ADAMTSL3: variants seen among roughly 807,000 people sequenced by gnomAD.
ADAMTSL3 encodes the protein ADAMTS like 3.
In ADAMTSL3, 128 loss-of-function variants were observed where a neutral mutation model predicts 201.7. The ratio of observed to expected loss-of-function variants is 0.63; its 90% CI spans 0.55 to 0.73. The LOEUF (loss-of-function observed/expected upper bound fraction) is 0.73. Ranked by LOEUF, ADAMTSL3 falls within the 30% of genes least tolerant of loss-of-function variation. The pLI, the probability that ADAMTSL3 is intolerant of heterozygous loss-of-function variation, is 0.00. For missense variants in ADAMTSL3, 1,990 were observed against 2,119.6 expected (o/e 0.94, Z 1.20); for synonymous variants, 738 against 748.4 (o/e 0.99, Z 0.23).
chr15:84,000,636 T>C (rs540656159), intron 23 of ADAMTSL3, among the ~76,000 whole-genome samples: 20 of 152,218 alleles, frequency 1.3e-4, no homozygotes, highest in Non-Finnish European at 2.5e-4. Context: ...GTTTGTGAAG[T>C]GTATCAGACA....
At chr15:83,973,369 A>G (rs898859252) in intron 20 of ADAMTSL3, among the ~76,000 whole-genome samples, 9 of 152,080 alleles carry the variant, frequency 5.9e-5, no homozygotes, top group African/African-American at 2.2e-4. Flanking sequence ...TTAGGTCTCC[A>G]CTTAACCAAC....
chr15:83,665,904 A>G (rs934563609), intron 2 of ADAMTSL3, among the ~76,000 whole-genome samples: 2 of 152,200 alleles, frequency 1.3e-5, no homozygotes, highest in Non-Finnish European at 2.9e-5. Context: ...CTATTTTACT[A>G]ATAAAAGAAT....
intron 9 of ADAMTSL3, among the ~76,000 whole-genome samples, chr15:83,871,230 T>A (rs1478504898): frequency 6.6e-6 from 1 of 152,192 alleles, no homozygotes; most frequent in African/African-American, 2.4e-5. Context: ...TTGTTCAGTT[T>A]GTTTGTTGGT....
chr15:83,684,775 T>G (rs932980460), intron 2 of ADAMTSL3, among the ~76,000 whole-genome samples: 1 of 152,236 alleles, frequency 6.6e-6, no homozygotes. Context: ...TCTCCTGTTG[T>G]ACATTTAGTT....
intron 12 of ADAMTSL3, 132 bp downstream of exon 12, chr15:83,891,511 T>A: frequency 1.4e-6 from 1 of 702,760 alleles, no homozygotes; most frequent in Non-Finnish European, 2.4e-6. Flanking sequence ...AAAACAGACT[T>A]CTACTCAATA....
At chr15:83,973,032 C>A (rs2067223734) in intron 20 of ADAMTSL3, among the ~76,000 whole-genome samples, 1 of 152,148 alleles carries the variant, frequency 6.6e-6, no homozygotes, top group Non-Finnish European at 1.5e-5. Context: ...ACTCTTCACC[C>A]TTCTTCAGGA....
chr15:83,786,782 G>A (rs1167606942), intron 4 of ADAMTSL3, among the ~76,000 whole-genome samples: 1 of 152,052 alleles, frequency 6.6e-6, no homozygotes, highest in African/African-American at 2.4e-5. Context: ...ATCTTGACTG[G>A]TTAAACTTTG....
intron 7 of ADAMTSL3, among the ~76,000 whole-genome samples, chr15:83,841,833 A>G (rs867180660): frequency 6.6e-6 from 1 of 151,846 alleles, no homozygotes; most frequent in Non-Finnish European, 1.5e-5. Context: ...CTGTGTCTAT[A>G]AAAACCCCAA....
chr15:83,956,474 G>C (rs1252456456), intron 19 of ADAMTSL3, among the ~76,000 whole-genome samples: 2 of 152,120 alleles, frequency 1.3e-5, no homozygotes, highest in East Asian at 3.8e-4. Context: ...TGGGAGTAGG[G>C]GGATGATCAA....
intron 19 of ADAMTSL3, among the ~76,000 whole-genome samples, chr15:83,954,205 A>G (rs534455296): frequency 1.5e-4 from 23 of 152,232 alleles, no homozygotes; most frequent in Middle Eastern, 3.4e-3. Flanking sequence ...TCTTGTAGGC[A>G]TGCTTCATTA....
chr15:83,790,770 A>C (rs2063331778), intron 4 of ADAMTSL3, among the ~76,000 whole-genome samples: 1 of 152,166 alleles, frequency 6.6e-6, no homozygotes, highest in Non-Finnish European at 1.5e-5. Flanking sequence ...GAAATCTACA[A>C]GGTAACTTCT....
chr15:83,965,253 T>G (rs1490030812), intron 19 of ADAMTSL3, among the ~76,000 whole-genome samples: 1 of 149,316 alleles, frequency 6.7e-6, no homozygotes, highest in Non-Finnish European at 1.5e-5. Context: ...TTAAGACCCA[T>G]AGGTGTGCTG....
intron 13 of ADAMTSL3, among the ~76,000 whole-genome samples, chr15:83,895,654 G>A (rs552570233): frequency 3.5e-4 from 54 of 152,236 alleles, no homozygotes; most frequent in African/African-American, 1.2e-3. Flanking sequence ...CCAGAACGGC[G>A]GTTTAAAAGG....
intron 17 of ADAMTSL3, among the ~76,000 whole-genome samples, chr15:83,934,280 G>A (rs903796197): frequency 1.3e-5 from 2 of 152,202 alleles, no homozygotes; most frequent in African/African-American, 4.8e-5. Context: ...AAGTTAAAAG[G>A]ATATCATTTC....
chr15:83,752,382 T>A (rs1490576315), intron 3 of ADAMTSL3, among the ~76,000 whole-genome samples: 1 of 152,176 alleles, frequency 6.6e-6, no homozygotes, highest in African/African-American at 2.4e-5. Context: ...TACTGGATAT[T>A]ACTAAAATTT....
chr15:83,709,034 C>T (rs2061895881), intron 3 of ADAMTSL3, among the ~76,000 whole-genome samples: 1 of 152,184 alleles, frequency 6.6e-6, no homozygotes, highest in African/African-American at 2.4e-5. Context: ...AAATTATCTC[C>T]TATCCTAAAA....
chr15:83,982,788 C>A lies in ADAMTSL3; in HGVS notation c.3160C>A (p.Pro1054Thr), dbSNP rs753344920. The stretch of plus-strand genomic sequence containing the variant: ...GGATGATGACCACATTAGTAACCAG[C>A]CTTTCTTGAGAGCTCTGTTAGGCCA... ...YLDDDHISNQPFLRALLGHCS... is the reference protein window; with the variant it reads ...YLDDDHISNQTFLRALLGHCS... Residue 1054 changes from proline (P) to threonine (T), a missense_variant, in exon 21 of 30, where the codon CCT becomes ACT. By Grantham distance (38) the Pro-to-Thr change is conservative (BLOSUM62 -1). Transcript: ENST00000286744. 6 of 1,614,072 alleles carry A rather than the reference C, an allele frequency of 3.7e-6. No individual in the cohort carries two copies. The South Asian group carries it at 6.6e-5, about 18-fold the overall frequency.
intron 2 of ADAMTSL3, among the ~76,000 whole-genome samples, chr15:83,683,828 A>G (rs2141432284): frequency 6.6e-6 from 1 of 152,292 alleles, no homozygotes; most frequent in East Asian, 1.9e-4. Flanking sequence ...AGCTTCTCAT[A>G]TAGGAGCTGC....
chr15:83,770,505 C>T (rs555105917), intron 3 of ADAMTSL3, among the ~76,000 whole-genome samples: 1 of 152,248 alleles, frequency 6.6e-6, no homozygotes, highest in East Asian at 1.9e-4. Flanking sequence ...ATGCCTATAG[C>T]TTTATCTGTA....
Sources: allele counts gnomAD v4.1 joint callset (sites outside exome capture counted in the v4.1 genomes callset), GRCh38; gene constraint gnomAD v4.1.1; transcripts MANE v1.5; gene names NCBI Gene and HGNC (gene_info 2026-07-23, HGNC 2026-07-21).